Variants in IFTAP observed in about 807,000 individuals in gnomAD.
IFTAP encodes intraflagellar transport-associated protein.
A neutral mutation model predicts 19.4 loss-of-function variants in IFTAP; 19 were observed. The ratio of observed to expected loss-of-function variants is 0.98; its 90% CI spans 0.68 to 1.44. The LOEUF (loss-of-function observed/expected upper bound fraction) is 1.44. Among genes scored for constraint, IFTAP ranks in the 40% most tolerant of loss-of-function variants. The probability of loss-of-function intolerance (pLI) is 0.00; values close to 1 mark genes in which losing one functional copy is unlikely to be tolerated. For synonymous variants in IFTAP, 85 were observed against 83.5 expected (o/e 1.02, Z -0.10); for missense variants, 240 against 253.6 (o/e 0.95, Z 0.36).
rs11820967 is a variant in IFTAP, at chr11:36,612,669, G to A, written c.136+2430G>A. ...GTTATCACCATGCATACTTATGTAC[G>A]TTTCTTTAGTAAGTTTAGTTTCTCA... On this transcript the variant is annotated intron_variant, in intron 2 of 5. Coordinates refer to ENST00000334307, the MANE Select transcript of IFTAP (RefSeq NM_138787.4). Among the ~76,000 whole-genome samples, 993 of 152,036 alleles carry A rather than the reference G, an allele frequency of 6.5e-3. 7 individuals carry two copies. The highest frequency in any genetic ancestry group is 0.022 in the African/African-American group (933 of 41,518).
chr11:36,601,106 A>G (rs1565002894), intron 1 of IFTAP, among the ~76,000 whole-genome samples: 1 of 152,220 alleles, frequency 6.6e-6, no homozygotes, highest in African/African-American at 2.4e-5. Flanking sequence ...ATAAATGGAG[A>G]AACAGCTTAA....
intron 4 of IFTAP, among the ~76,000 whole-genome samples, chr11:36,646,742 T>C (rs1161164139): frequency 1.3e-5 from 2 of 152,188 alleles, no homozygotes; most frequent in Admixed American, 6.6e-5. Flanking sequence ...GGCTACTGTC[T>C]CTTAGCTCAT....
chr11:36,655,069 C>T (rs1853917679), intron 5 of IFTAP, among the ~76,000 whole-genome samples: 1 of 151,976 alleles, frequency 6.6e-6, no homozygotes, highest in African/African-American at 2.4e-5. Flanking sequence ...CATAGATGAC[C>T]AAATGTTTTC....
At chr11:36,632,571 C>T (rs1433983830) in intron 2 of IFTAP, among the ~76,000 whole-genome samples, 1 of 151,168 alleles carries the variant, frequency 6.6e-6, no homozygotes, top group Non-Finnish European at 1.5e-5. Flanking sequence ...AGATGCTTTC[C>T]TCAGCCTAAG....
At chr11:36,619,193 T>C (rs1357008285) in intron 2 of IFTAP, among the ~76,000 whole-genome samples, 1 of 151,996 alleles carries the variant, frequency 6.6e-6, no homozygotes, top group East Asian at 1.9e-4. Flanking sequence ...TTTACATTTC[T>C]GGACTGATAA....
At chr11:36,615,853 C>T (rs1040111399) in intron 2 of IFTAP, among the ~76,000 whole-genome samples, 4 of 151,704 alleles carry the variant, frequency 2.6e-5, no homozygotes, top group Non-Finnish European at 4.4e-5. Flanking sequence ...ACAATCATGT[C>T]GTCTGCAAAG....
intron 4 of IFTAP, among the ~76,000 whole-genome samples, chr11:36,645,904 A>G (rs1472767719): frequency 6.6e-6 from 1 of 152,136 alleles, no homozygotes; most frequent in Non-Finnish European, 1.5e-5. Flanking sequence ...GGTGTACAAA[A>G]TTCCTTTTCT....
intron 4 of IFTAP, among the ~76,000 whole-genome samples, chr11:36,641,838 C>G (rs1349362710): frequency 1.3e-5 from 2 of 151,976 alleles, no homozygotes. Flanking sequence ...TTTTTAACTT[C>G]CTGTCTTGTT....
chr11:36,652,812 A>G (rs1208512541), intron 5 of IFTAP, among the ~76,000 whole-genome samples: 2 of 151,958 alleles, frequency 1.3e-5, no homozygotes, highest in Non-Finnish European at 2.9e-5. Context: ...TGAGATAATC[A>G]TGATTTTACC....
At chr11:36,605,139 C>A (rs1554949334) in intron 1 of IFTAP, among the ~76,000 whole-genome samples, 1 of 152,016 alleles carries the variant, frequency 6.6e-6, no homozygotes, top group Non-Finnish European at 1.5e-5. Flanking sequence ...TTTCCTTAGG[C>A]AAAGTGATAA....
intron 4 of IFTAP, among the ~76,000 whole-genome samples, chr11:36,643,784 T>C (rs888333064): frequency 1.3e-5 from 2 of 152,198 alleles, no homozygotes; most frequent in Non-Finnish European, 2.9e-5. Flanking sequence ...CTGGGAAAAC[T>C]GGCTAGCCAT....
rs564945782 is a variant in IFTAP, at chr11:36,608,568, TATC to T, written c.-23-1510_-23-1508del. On this transcript the variant is annotated intron_variant, in intron 1 of 5. Transcript: ENST00000334307. Reference sequence around the variant, plus strand: ...ATGAATGGAGTTTAACAAGGTGAAATATCATAAGTGAAAATGAAGTCCAAACTG... The same window carrying T: ...ATGAATGGAGTTTAACAAGGTGAAATATAAGTGAAAATGAAGTCCAAACTG... Among the ~76,000 whole-genome samples the T allele has an allele frequency of 1.8e-3, 270 of 152,318 alleles. 2 individuals are homozygous for T. The highest frequency in any genetic ancestry group is 4.3e-3 in the South Asian group (21 of 4,828).
chr11:36,610,548 T>G (rs1034682849), intron 2 of IFTAP, among the ~76,000 whole-genome samples: 1 of 152,172 alleles, frequency 6.6e-6, no homozygotes, highest in East Asian at 1.9e-4. Context: ...GAGTGGAGGT[T>G]GTTAAAAGCC....
intron 4 of IFTAP, among the ~76,000 whole-genome samples, chr11:36,643,469 A>C (rs12277468): frequency 0.14 from 20,623 of 152,114 alleles, 2,145 homozygotes; most frequent in African/African-American, 0.29. Context: ...AGCTACCAAT[A>C]ACTTTCTTCA....
rs1243664769 is a variant in IFTAP at position 36,596,211 on chromosome 11, G to GTTTT, written c.-24+1626_-24+1629dup. The stretch of plus-strand genomic sequence containing the variant: ...CTGGTCACTCTAATGAGATGGTAGT[G>GTTTT]TTTTTTTTTTGTTTTTTTTTTTTTT... On this transcript the variant is annotated intron_variant, in intron 1 of 5. Transcript: ENST00000334307. 4.3e-3 allele frequency among the ~76,000 whole-genome samples: 429 copies of GTTTT among 100,778 alleles called. 6 individuals are homozygous for GTTTT. The highest frequency in any genetic ancestry group is 7.1e-3 in the African/African-American group (172 of 24,172). 66.1% of individuals were successfully genotyped at this position (100,778 alleles called of 152,430 possible).
At chr11:36,643,367 G>C (rs570743483) in intron 4 of IFTAP, among the ~76,000 whole-genome samples, 59 of 152,106 alleles carry the variant, frequency 3.9e-4, no homozygotes, top group Non-Finnish European at 7.2e-4. Flanking sequence ...ACAAATGGAC[G>C]AACATTCCAT....
chr11:36,647,014 A>T (rs1223109205), intron 4 of IFTAP, among the ~76,000 whole-genome samples: 1 of 152,000 alleles, frequency 6.6e-6, no homozygotes, highest in African/African-American at 2.4e-5. Flanking sequence ...TGTGAAGGGG[A>T]TATCTATAGT....
chr11:36,631,189 C>T (rs866825695), intron 2 of IFTAP, among the ~76,000 whole-genome samples: 3 of 151,502 alleles, frequency 2.0e-5, no homozygotes, highest in Admixed American at 6.5e-5. Flanking sequence ...TGCTTCGCAC[C>T]AGAATTTCCA....
At chr11:36,639,936 A>T (rs1305578461) in intron 4 of IFTAP, among the ~76,000 whole-genome samples, 1 of 152,198 alleles carries the variant, frequency 6.6e-6, no homozygotes, top group Non-Finnish European at 1.5e-5. Context: ...AACTTTAAGC[A>T]GCTTTAGGCC....
Sources: allele counts gnomAD v4.1 joint callset (sites outside exome capture counted in the v4.1 genomes callset), GRCh38; gene constraint gnomAD v4.1.1; transcripts MANE v1.5; gene names NCBI Gene and HGNC (gene_info 2026-07-23, HGNC 2026-07-21).